The following SLC7A14 variants were observed in gnomAD, a reference collection of about 807,000 sequenced individuals.
SLC7A14 encodes the protein gamma-aminobutyric acid transporter SLC7A14.
A neutral mutation model predicts 60.2 loss-of-function variants in SLC7A14; 37 were observed. That is an observed-to-expected ratio of 0.61 (90% confidence interval 0.47 to 0.81). SLC7A14 has a LOEUF of 0.81. SLC7A14 is among the 30% of genes least tolerant of loss of function. The pLI is 0.00. For synonymous variants in SLC7A14, 399 were observed against 395.8 expected (o/e 1.01, Z -0.10); for missense variants, 886 against 982.7 (o/e 0.90, Z 1.32).
At chr3:170,486,487 A>G (rs1712035865) in intron 4 of SLC7A14, 119 bp from the exon 5 acceptor site, 15 of 1,297,082 alleles carry the variant, frequency 1.2e-5, no homozygotes, top group East Asian at 2.3e-5. Flanking sequence ...AGGGAGTAAC[A>G]TGGTGGAACT....
chr3:170,510,337 C>G (rs1484162842), intron 2 of SLC7A14, among the ~76,000 whole-genome samples: 17 of 148,026 alleles, frequency 1.1e-4, no homozygotes, highest in Non-Finnish European at 2.2e-4. Flanking sequence ...TTGCAGTGAG[C>G]CAAGATTGTG....
intron 1 of SLC7A14, among the ~76,000 whole-genome samples, chr3:170,558,634 A>G (rs941537723): frequency 6.6e-6 from 1 of 152,188 alleles, no homozygotes; most frequent in African/African-American, 2.4e-5. Context: ...TCAGATTACC[A>G]TGGTAGATGT....
chr3:170,550,512 ATTTTTTT>A lies in SLC7A14; in HGVS notation c.-152-23431_-152-23425del, dbSNP rs369436642. ...TAAACCTAATGCCATCTTTCCTTGA[ATTTTTTT>A]TTTTTTTTTTTTTTTTTTGGTGACA... On this transcript the variant is annotated intron_variant, in intron 1 of 7. Transcript: ENST00000231706. Among the ~76,000 whole-genome samples, 45 of 60,622 alleles carry A rather than the reference ATTTTTTT, an allele frequency of 7.4e-4. 1 individual carries two copies. Among genetic ancestry groups the A allele is most frequent in the African/African-American group, 2.8e-3 (32 of 11,478 alleles). The allele number at this position is 60,622 out of a possible 152,430, so 39.8% of individuals were successfully genotyped here.
intron 1 of SLC7A14, among the ~76,000 whole-genome samples, chr3:170,538,424 GT>G (rs1175439244): frequency 6.6e-6 from 1 of 152,172 alleles, no homozygotes; most frequent in Non-Finnish European, 1.5e-5. Flanking sequence ...TTTTAAAAGA[GT>G]CTGCATTTTA....
At chr3:170,489,940 T>A (rs1400832544) in intron 4 of SLC7A14, among the ~76,000 whole-genome samples, 3 of 109,230 alleles carry the variant, frequency 2.7e-5, no homozygotes, top group African/African-American at 1.1e-4. Context: ...TATCAGAGGC[T>A]GGGAAGGATA....
At chr3:170,480,081 C>A (rs954905990) in intron 7 of SLC7A14, among the ~76,000 whole-genome samples, 1 of 152,144 alleles carries the variant, frequency 6.6e-6, no homozygotes, top group Non-Finnish European at 1.5e-5. Context: ...TAATCAACAT[C>A]ATTTTTCCAG....
chr3:170,575,962 C>T (rs1715079995), intron 1 of SLC7A14, among the ~76,000 whole-genome samples: 1 of 152,226 alleles, frequency 6.6e-6, no homozygotes, highest in East Asian at 1.9e-4. Context: ...GTATGACCTC[C>T]CACCAGCCAG....
intron 1 of SLC7A14, among the ~76,000 whole-genome samples, chr3:170,554,907 G>A (rs1453692509): frequency 6.6e-6 from 1 of 152,072 alleles, no homozygotes; most frequent in African/African-American, 2.4e-5. Context: ...GGTGGCTCAC[G>A]CCTGTAATCC....
In SLC7A14 at chr3:170,460,499, G is replaced by A. The variant is rs1739574716; in HGVS notation, c.*6556C>T. On this transcript the variant is annotated 3_prime_UTR_variant, in exon 8 of 8. Coordinates refer to ENST00000231706, the MANE Select transcript of SLC7A14 (RefSeq NM_020949.3). ...TTCTAGGGTAAATCCTCGCCTTTGGGAGTGTGAATGAGACAAGCGTATCAG... is the reference window on the plus strand; with the variant it reads ...TTCTAGGGTAAATCCTCGCCTTTGGAAGTGTGAATGAGACAAGCGTATCAG... 6.6e-6 allele frequency: 1 copy of A among 152,152 alleles called. No individual in the cohort carries two copies. Among genetic ancestry groups the A allele is most frequent in the South Asian group, 2.1e-4 (1 of 4,832 alleles). 9.4% of individuals were successfully genotyped at this position (152,152 alleles called of 1,614,324 possible). A position where few individuals can be genotyped will look rare whatever the true frequency, so the allele number is the denominator to read the frequency against.
Position 170,486,293 on chromosome 3 carries a change from T to G in SLC7A14, c.835A>C (p.Lys279Gln). The change falls in exon 5 of 8, where the codon AAG becomes CAG. Residue 279 changes from lysine (K) to glutamine (Q), a missense_variant. Physicochemically the swap from Lys to Gln is moderately conservative, Grantham distance 53. Coordinates refer to ENST00000231706, the MANE Select transcript of SLC7A14 (RefSeq NM_020949.3). Reference sequence around the variant, plus strand: ...TAAGGGATGGACGTGTTGGGATTCTTGGCTTCCTCTCCAGTGGTGGCGATG... The same window carrying G: ...TAAGGGATGGACGTGTTGGGATTCTGGGCTTCCTCTCCAGTGGTGGCGATG... ...DIIATTGEEAKNPNTSIPYAI... is the reference protein window; with the variant it reads ...DIIATTGEEAQNPNTSIPYAI... The G allele has an allele frequency of 6.2e-7, 1 of 1,614,222 alleles. No homozygotes were observed. Among genetic ancestry groups the G allele is most frequent in the East Asian group, 2.2e-5 (1 of 44,884 alleles).
intron 1 of SLC7A14, among the ~76,000 whole-genome samples, chr3:170,565,092 T>A (rs1714755941): frequency 6.6e-6 from 1 of 152,184 alleles, no homozygotes; most frequent in Non-Finnish European, 1.5e-5. Flanking sequence ...CCTTACTATT[T>A]CAAGGCAACT....
At chr3:170,580,742 T>TAATG (rs1220065856) in intron 1 of SLC7A14, among the ~76,000 whole-genome samples, 1 of 152,188 alleles carries the variant, frequency 6.6e-6, no homozygotes, top group East Asian at 1.9e-4. Flanking sequence ...GGTGCTTTGT[T>TAATG]AATGAATGAA....
chr3:170,540,190 T>C (rs557921866), intron 1 of SLC7A14, among the ~76,000 whole-genome samples: 1 of 152,326 alleles, frequency 6.6e-6, no homozygotes, highest in Admixed American at 6.5e-5. Context: ...TATGAGTTGT[T>C]TGTTTCTGGA....
Position 170,516,023 on chromosome 3 carries a change from A to G in SLC7A14, c.304+10610T>C, listed in dbSNP as rs554926513. 1.2e-4 allele frequency among the ~76,000 whole-genome samples: 18 copies of G among 152,330 alleles called. No homozygotes were observed. In the East Asian group the frequency reaches 3.5e-3, roughly 29 times the overall value. ...TACAGCCATGCTAGGTGCTCATGGC[A>G]TGCACTGTCCACACTACTAGGTGCT... On this transcript the variant is annotated intron_variant, in intron 2 of 7. Transcript: ENST00000231706.
chr3:170,500,941 T>C (rs191280866), intron 3 of SLC7A14, among the ~76,000 whole-genome samples, 168 bp downstream of exon 3: 254 of 152,364 alleles, frequency 1.7e-3, no homozygotes, highest in African/African-American at 4.7e-3. Flanking sequence ...TTAGAATTAT[T>C]TTTTAAGGAT....
intron 5 of SLC7A14, 72 bp from the exon 6 acceptor site, chr3:170,483,594 G>C (rs1226972663): frequency 6.5e-7 from 1 of 1,536,922 alleles, no homozygotes; most frequent in Admixed American, 1.7e-5. Context: ...CCACGGGAGA[G>C]GAAAGAGCCC....
At chr3:170,564,703 G>A (rs898494495) in intron 1 of SLC7A14, among the ~76,000 whole-genome samples, 1 of 152,188 alleles carries the variant, frequency 6.6e-6, no homozygotes, top group Admixed American at 6.5e-5. Flanking sequence ...TGAGGATAAT[G>A]TCCACCTTAT....
intron 2 of SLC7A14, among the ~76,000 whole-genome samples, chr3:170,506,187 C>T (rs1712776275): frequency 6.6e-6 from 1 of 152,108 alleles, no homozygotes; most frequent in African/African-American, 2.4e-5. Flanking sequence ...TAGTGTTGGT[C>T]AGAGATGAGA....
intron 4 of SLC7A14, chr3:170,496,734 C>G: frequency 7.7e-6 from 6 of 778,574 alleles, no homozygotes; most frequent in Middle Eastern, 3.6e-4. Flanking sequence ...CAAGCCCTGG[C>G]CTCAGCTATG....
Sources: gnomAD v4.1 joint callset for allele counts (sites outside exome capture counted in the v4.1 genomes callset) on GRCh38, gnomAD v4.1.1 for gene constraint, MANE v1.5 for transcripts, NCBI Gene and HGNC (gene_info 2026-07-23, HGNC 2026-07-21) for gene names.